MAGI2: variants seen among roughly 807,000 people sequenced by gnomAD.
The protein encoded by MAGI2 is membrane associated guanylate kinase, WW and PDZ domain containing 2, also known as membrane-associated guanylate kinase, WW and PDZ domain-containing protein 2.
In MAGI2, 35 loss-of-function variants were observed where a neutral mutation model predicts 133.3. The ratio of observed to expected loss-of-function variants is 0.26; its 90% CI spans 0.20 to 0.35. The LOEUF (loss-of-function observed/expected upper bound fraction) is 0.35. Ranked by LOEUF, MAGI2 falls within the 10% of genes least tolerant of loss-of-function variation. The pLI is 1.00. For missense variants in MAGI2, 1,636 were observed against 1,863.4 expected (o/e 0.88, Z 2.25); for synonymous variants, 729 against 710.6 (o/e 1.03, Z -0.41).
intron 3 of MAGI2, among the ~76,000 whole-genome samples, chr7:78,546,252 T>G (rs963667916): frequency 7.9e-5 from 12 of 152,344 alleles, no homozygotes; most frequent in Middle Eastern, 3.4e-3. Flanking sequence ...TACTCCCTAG[T>G]TATTTGTACT....
intron 1 of MAGI2, among the ~76,000 whole-genome samples, chr7:79,440,424 T>C (rs1243936419): frequency 6.6e-6 from 1 of 152,162 alleles, no homozygotes; most frequent in African/African-American, 2.4e-5. Flanking sequence ...AAAATGAATT[T>C]GTGTTCCTAC....
chr7:79,323,211 G>A (rs1839332173), intron 1 of MAGI2, among the ~76,000 whole-genome samples: 1 of 152,066 alleles, frequency 6.6e-6, no homozygotes, highest in South Asian at 2.1e-4. Flanking sequence ...CAAGTATTGA[G>A]GGCACAAGTA....
intron 9 of MAGI2, among the ~76,000 whole-genome samples, chr7:78,290,741 A>G (rs1477147230): frequency 6.6e-6 from 1 of 152,150 alleles, no homozygotes; most frequent in Non-Finnish European, 1.5e-5. Flanking sequence ...AAATTATAAC[A>G]GACTCTCAGA....
chr7:78,106,410 G>A (rs1324528124), intron 20 of MAGI2, among the ~76,000 whole-genome samples: 2 of 151,940 alleles, frequency 1.3e-5, no homozygotes, highest in Non-Finnish European at 2.9e-5. Context: ...CTACTTTTAG[G>A]GGGTTTTTTG....
chr7:78,076,585 G>A (rs1235768456), intron 21 of MAGI2, among the ~76,000 whole-genome samples: 1 of 151,742 alleles, frequency 6.6e-6, no homozygotes, highest in Non-Finnish European at 1.5e-5. Flanking sequence ...GGTGGCTCAC[G>A]CCTGTAATCC....
chr7:78,532,138 C>T (rs1387590562), intron 3 of MAGI2, among the ~76,000 whole-genome samples: 1 of 152,090 alleles, frequency 6.6e-6, no homozygotes, highest in Non-Finnish European at 1.5e-5. Flanking sequence ...CCTCAGATTC[C>T]TCACTGTGAA....
At chr7:78,685,208 A>G (rs903557430) in intron 2 of MAGI2, among the ~76,000 whole-genome samples, 1 of 152,168 alleles carries the variant, frequency 6.6e-6, no homozygotes, top group African/African-American at 2.4e-5. Flanking sequence ...TCTAATGTTG[A>G]ACCTCACATC....
intron 1 of MAGI2, among the ~76,000 whole-genome samples, chr7:79,155,322 AT>A (rs1285262439): frequency 6.6e-6 from 1 of 152,072 alleles, no homozygotes; most frequent in African/African-American, 2.4e-5. Flanking sequence ...TGCTCAGTAT[AT>A]TTTACAATCA....
intron 1 of MAGI2, among the ~76,000 whole-genome samples, chr7:79,371,647 T>C (rs886413236): frequency 4.6e-5 from 7 of 152,132 alleles, no homozygotes; most frequent in African/African-American, 1.4e-4. Flanking sequence ...GACGACACCA[T>C]CTAGGTTTGT....
chr7:78,818,608 AAG>A (rs1789811984), intron 2 of MAGI2, among the ~76,000 whole-genome samples: 1 of 152,178 alleles, frequency 6.6e-6, no homozygotes, highest in African/African-American at 2.4e-5. Context: ...GTAAGGAAAA[AAG>A]AAGAGAAACT....
intron 1 of MAGI2, among the ~76,000 whole-genome samples, chr7:79,261,844 A>T (rs1221276470): frequency 6.6e-6 from 1 of 152,152 alleles, no homozygotes; most frequent in Admixed American, 6.5e-5. Context: ...CTAAATTATG[A>T]TTTTCTATTC....
intron 1 of MAGI2, among the ~76,000 whole-genome samples, chr7:79,008,557 A>G (rs113861411): frequency 0.051 from 7,722 of 152,182 alleles, 258 homozygotes; most frequent in Non-Finnish European, 0.08. Flanking sequence ...CTCTTAATCT[A>G]TTTTTCCACC....
At chr7:79,056,571 T>G (rs962764785) in intron 1 of MAGI2, among the ~76,000 whole-genome samples, 1 of 152,208 alleles carries the variant, frequency 6.6e-6, no homozygotes, top group Non-Finnish European at 1.5e-5. Flanking sequence ...ATCACAGAGA[T>G]AAAAAGTTCC....
chr7:78,642,127 A>G (rs146240231), intron 2 of MAGI2, among the ~76,000 whole-genome samples: 30 of 152,304 alleles, frequency 2.0e-4, no homozygotes, highest in African/African-American at 6.7e-4. Context: ...ACGCTGTTGT[A>G]TCTGTAATAT....
chr7:79,175,671 G>A (rs1826028909), intron 1 of MAGI2, among the ~76,000 whole-genome samples: 2 of 151,998 alleles, frequency 1.3e-5, no homozygotes, highest in Admixed American at 1.3e-4. Context: ...ACATACCTAG[G>A]CTATGTAGGA....
chr7:78,094,657 T>G (rs117500225), intron 20 of MAGI2, among the ~76,000 whole-genome samples: 179 of 152,312 alleles, frequency 1.2e-3, no homozygotes, highest in Admixed American at 2.0e-3. Context: ...ACATTATTAA[T>G]GTAACTGGTT....
At chr7:78,233,632 A>C (rs1790208605) in intron 10 of MAGI2, among the ~76,000 whole-genome samples, 1 of 152,116 alleles carries the variant, frequency 6.6e-6, no homozygotes, top group South Asian at 2.1e-4. Flanking sequence ...GCTGGAGGGG[A>C]AAGCAGAATC....
At chr7:78,238,849 A>G (rs1239723106) in intron 10 of MAGI2, among the ~76,000 whole-genome samples, 3 of 152,126 alleles carry the variant, frequency 2.0e-5, no homozygotes, top group African/African-American at 4.8e-5. Flanking sequence ...GTGAAACCCA[A>G]AGTCCTTTCT....
chr7:78,438,626 T>C (rs960122748), intron 6 of MAGI2, among the ~76,000 whole-genome samples: 1 of 152,212 alleles, frequency 6.6e-6, no homozygotes, highest in African/African-American at 2.4e-5. Context: ...TCAGTGATTC[T>C]GTACTCACTC....
Sources: allele counts gnomAD v4.1 joint callset (sites outside exome capture counted in the v4.1 genomes callset), GRCh38; gene constraint gnomAD v4.1.1; transcripts MANE v1.5; gene names NCBI Gene and HGNC (gene_info 2026-07-23, HGNC 2026-07-21).